The following ZFHX3 variants were observed in gnomAD, a reference collection of about 807,000 sequenced individuals.
The protein encoded by ZFHX3 is zinc finger homeobox protein 3.
In ZFHX3, 42 loss-of-function variants were observed where a neutral mutation model predicts 279.1. That is an observed-to-expected ratio of 0.15 (90% confidence interval 0.12 to 0.19). The LOEUF is 0.19. Ranked by LOEUF, ZFHX3 falls within the 10% of genes least tolerant of loss-of-function variation. ZFHX3 has a pLI of 1.00. For synonymous variants in ZFHX3, 2,293 were observed against 1,957.8 expected (o/e 1.17, Z -4.52); for missense variants, 4,981 against 4,754.0 (o/e 1.05, Z -1.40).
chr16:73,033,547 G>A (rs910758652), intron 1 of ZFHX3, among the ~76,000 whole-genome samples: 1 of 152,116 alleles, frequency 6.6e-6, no homozygotes, highest in Non-Finnish European at 1.5e-5. Context: ...GGGGGGGACT[G>A]GCACTCCTTT....
chr16:72,898,685 G>C (rs942245968), intron 3 of ZFHX3, among the ~76,000 whole-genome samples: 2 of 151,516 alleles, frequency 1.3e-5, no homozygotes, highest in East Asian at 3.9e-4. Flanking sequence ...TTTATACATG[G>C]GGAGGAAATT....
At chr16:73,437,292 A>C (rs1382642278) in intron 3 of ZFHX3, among the ~76,000 whole-genome samples, 2 of 152,326 alleles carry the variant, frequency 1.3e-5, no homozygotes, top group East Asian at 1.9e-4. Context: ...TAACAAAGGC[A>C]AGGACAAAAT....
chr16:73,537,130 C>A (rs778012619), intron 2 of ZFHX3, among the ~76,000 whole-genome samples: 23 of 152,214 alleles, frequency 1.5e-4, no homozygotes, highest in Non-Finnish European at 2.8e-4. Context: ...TCTCTCAACA[C>A]AGAGTATCCA....
At chr16:72,940,954 A>G (rs1417897792) in intron 3 of ZFHX3, among the ~76,000 whole-genome samples, 1 of 152,180 alleles carries the variant, frequency 6.6e-6, no homozygotes, top group Non-Finnish European at 1.5e-5. Context: ...CGACCTATAC[A>G]CCATAGGCAC....
intron 2 of ZFHX3, among the ~76,000 whole-genome samples, chr16:73,489,226 A>G (rs2019020398): frequency 6.6e-6 from 1 of 152,140 alleles, no homozygotes; most frequent in African/African-American, 2.4e-5. Context: ...TACTTTCCTT[A>G]TGTTTGGCAT....
chr16:72,865,934 G>C (rs898543741), intron 4 of ZFHX3, among the ~76,000 whole-genome samples: 1 of 152,162 alleles, frequency 6.6e-6, no homozygotes, highest in Admixed American at 6.5e-5. Context: ...ACATGCCACC[G>C]GGACAGCCCT....
chr16:73,669,158 A>G (rs112373392), intron 2 of ZFHX3, among the ~76,000 whole-genome samples: 2 of 151,858 alleles, frequency 1.3e-5, no homozygotes, highest in African/African-American at 4.8e-5. Context: ...GGCTCAAGCA[A>G]TTCTCCTGTC....
In ZFHX3 at chr16:73,235,113, A is replaced by C. The variant is rs193215780; in HGVS notation, c.-1104+21934T>G. ...GAGACGGAGTCTCACTCTATCAACCAGGCTGGAGTGCAGTGGTGCAATCTC... is the reference window on the plus strand; with the variant it reads ...GAGACGGAGTCTCACTCTATCAACCCGGCTGGAGTGCAGTGGTGCAATCTC... On this transcript the variant is annotated intron_variant, in intron 5 of 17. Transcript: ENST00000641206. 1.6e-4 allele frequency among the ~76,000 whole-genome samples: 25 copies of C among 152,332 alleles called. 1 individual carries two copies. Among genetic ancestry groups the C allele is most frequent in the Admixed American group, 1.6e-3 (24 of 15,304 alleles).
intron 1 of ZFHX3, among the ~76,000 whole-genome samples, chr16:73,805,087 T>C (rs2142330394): frequency 6.6e-6 from 1 of 152,270 alleles, no homozygotes; most frequent in South Asian, 2.1e-4. Context: ...TCAGAGAAAA[T>C]ACCCTAACTA....
chr16:72,942,453 G>A (rs1273635463), intron 3 of ZFHX3, among the ~76,000 whole-genome samples: 2 of 152,124 alleles, frequency 1.3e-5, no homozygotes, highest in African/African-American at 4.8e-5. Flanking sequence ...GAAGTTTGAG[G>A]TTTCTCTCTC....
Position 73,218,571 on chromosome 16 carries a change from C to G in ZFHX3, c.-1104+38476G>C, listed in dbSNP as rs571752170. Among the ~76,000 whole-genome samples, 834 of 152,232 alleles carry G rather than the reference C, an allele frequency of 5.5e-3. 11 individuals are homozygous for G. Among genetic ancestry groups the G allele is most frequent in the African/African-American group, 4.2e-3 (176 of 41,550 alleles). On this transcript the variant is annotated intron_variant, in intron 5 of 17. Coordinates refer to the ZFHX3 transcript ENST00000641206. ...ATCACTTGAGGTCAAGAGTTCGAGA[C>G]CAGCCTGGCCAACATGGCAAAACCC...
intron 1 of ZFHX3, among the ~76,000 whole-genome samples, chr16:73,869,561 C>T (rs909312492): frequency 1.3e-5 from 2 of 152,214 alleles, no homozygotes; most frequent in Admixed American, 6.5e-5. Context: ...GATATACATA[C>T]ATAACTTATT....
intron 3 of ZFHX3, chr16:73,402,619 G>T (rs1381283658): frequency 2.6e-5 from 4 of 152,198 alleles, no homozygotes; most frequent in African/African-American, 9.6e-5. Context: ...CAGCTGTCCT[G>T]CCATCTTACC....
At chr16:73,316,091 C>T (rs1464751625) in intron 4 of ZFHX3, among the ~76,000 whole-genome samples, 1 of 152,148 alleles carries the variant, frequency 6.6e-6, no homozygotes, top group Non-Finnish European at 1.5e-5. Context: ...GATGTTTTAT[C>T]ACAAAGAAGG....
chr16:72,881,379 A>G (rs1410342395), intron 4 of ZFHX3, among the ~76,000 whole-genome samples: 1 of 125,450 alleles, frequency 8.0e-6, no homozygotes, highest in Non-Finnish European at 1.8e-5. Flanking sequence ...CTGCTCGTCA[A>G]TGTTTGAAAA....
At chr16:73,766,347 C>A (rs1046205653) in intron 1 of ZFHX3, among the ~76,000 whole-genome samples, 5 of 152,132 alleles carry the variant, frequency 3.3e-5, no homozygotes, top group Non-Finnish European at 5.9e-5. Flanking sequence ...AAATAAATGG[C>A]CCAGGTATAT....
intron 1 of ZFHX3, among the ~76,000 whole-genome samples, chr16:73,759,755 T>C (rs2053844344): frequency 1.3e-5 from 2 of 152,118 alleles, no homozygotes; most frequent in Admixed American, 1.3e-4. Context: ...CCCAATTCTA[T>C]AAGCTATGCC....
At chr16:73,504,492 T>C (rs924676391) in intron 2 of ZFHX3, 1 of 151,916 alleles carries the variant, frequency 6.6e-6, no homozygotes, top group African/African-American at 2.4e-5. Flanking sequence ...TGCAAAAACA[T>C]GGTAGCTTAA....
chr16:72,952,276 T>C (rs1961036496), intron 2 of ZFHX3, among the ~76,000 whole-genome samples: 1 of 152,086 alleles, frequency 6.6e-6, no homozygotes, highest in African/African-American at 2.4e-5. Flanking sequence ...TGGAGAGTAA[T>C]CCCTCTACTC....
Sources: allele counts gnomAD v4.1 joint callset (sites outside exome capture counted in the v4.1 genomes callset), GRCh38; gene constraint gnomAD v4.1.1; transcripts MANE v1.5; gene names NCBI Gene and HGNC (gene_info 2026-07-23, HGNC 2026-07-21).